The following PRPSAP2 variants were observed in gnomAD, a reference collection of about 807,000 sequenced individuals.
PRPSAP2 encodes phosphoribosyl pyrophosphate synthetase associated protein 2.
PRPSAP2 carries 24 observed loss-of-function variants against 40.6 expected under a neutral mutation model. The observed-to-expected ratio is 0.59, with a 90% CI of 0.43 to 0.83. The LOEUF is 0.83. PRPSAP2 is among the 40% of genes least tolerant of loss of function. The probability of loss-of-function intolerance (pLI) is 0.00; values close to 1 mark genes in which losing one functional copy is unlikely to be tolerated. For missense variants in PRPSAP2, 292 were observed against 465.6 expected (o/e 0.63, Z 3.43); for synonymous variants, 149 against 164.7 (o/e 0.90, Z 0.73).
At chr17:18,904,069 C>T (rs887384438) in intron 8 of PRPSAP2, among the ~76,000 whole-genome samples, 3 of 152,214 alleles carry the variant, frequency 2.0e-5, no homozygotes, top group Non-Finnish European at 4.4e-5. Flanking sequence ...CAGTCCAAGA[C>T]TTGGGCTTCC....
At position 18,917,598 on chromosome 17, in the gene PRPSAP2, T is replaced by A. The variant is rs1325273073; in HGVS notation, c.734-6316T>A. On this transcript the variant is annotated intron_variant, in intron 9 of 11. Coordinates refer to ENST00000268835, the MANE Select transcript of PRPSAP2 (RefSeq NM_002767.4). Reference sequence around the variant, plus strand: ...TTATTATTATTATTTTTTTTTTTTTTTTTTTTTTTTTTTTTTTTTTTAGTA... The same window carrying A: ...TTATTATTATTATTTTTTTTTTTTTATTTTTTTTTTTTTTTTTTTTTAGTA... 477 of 114,688 alleles carry A rather than the reference T, an allele frequency of 4.2e-3. 6 individuals are homozygous for A. The highest frequency in any genetic ancestry group is 0.013 in the African/African-American group (399 of 30,322). The allele number at this position is 114,688 out of a possible 1,614,324, so 7.1% of individuals were successfully genotyped here. A position where few individuals can be genotyped will look rare whatever the true frequency, so the allele number is the denominator to read the frequency against.
chr17:18,906,460 C>G (rs571872893), intron 8 of PRPSAP2, among the ~76,000 whole-genome samples: 2 of 152,146 alleles, frequency 1.3e-5, no homozygotes, highest in Non-Finnish European at 1.5e-5. Context: ...GCGATCCACC[C>G]GCCTCAGCCT....
At chr17:18,873,990 A>T (rs1467231366) in intron 5 of PRPSAP2, among the ~76,000 whole-genome samples, 1 of 151,658 alleles carries the variant, frequency 6.6e-6, no homozygotes, top group East Asian at 1.9e-4. Flanking sequence ...CTACAACTTC[A>T]AACTCCTGGG....
rs1275727535 is a variant in PRPSAP2, at chr17:18,877,807, T to C, written c.349T>C (p.Cys117Arg). Reference sequence around the variant, plus strand: ...ACCCTACTTTCCTTACAGCAAGCAGTGCAAGATGAGAAAAAGAGGCTCCAT... The same window carrying C: ...ACCCTACTTTCCTTACAGCAAGCAGCGCAAGATGAGAAAAAGAGGCTCCAT... ...VIPYFPYSKQ[C>R]KMRKRGSIVS... is the part of the protein sequence containing the mutation. The change falls in exon 6 of 12, where the codon TGC becomes CGC. Residue 117 changes from cysteine to arginine, a missense_variant. Around this residue, in one of 2 missense-constraint regions of PRPSAP2, gnomAD observed 241 missense variants for 425.7 expected, o/e 0.57. Transcript: ENST00000268835. 9 of 1,613,742 alleles carry C rather than the reference T, an allele frequency of 5.6e-6. No individual in the cohort carries two copies. Among genetic ancestry groups the C allele is most frequent in the Non-Finnish European group, 7.6e-6 (9 of 1,179,842 alleles).
chr17:18,923,256 ATTTTTT>A (rs34975526), intron 9 of PRPSAP2, among the ~76,000 whole-genome samples: 14 of 105,398 alleles, frequency 1.3e-4, no homozygotes, highest in African/African-American at 4.1e-4. Context: ...CACTTGGCTA[ATTTTTT>A]TTTTTTTTTT....
intron 10 of PRPSAP2, among the ~76,000 whole-genome samples, chr17:18,925,621 T>A (rs2041926296): frequency 6.6e-6 from 1 of 152,216 alleles, no homozygotes; most frequent in Admixed American, 6.5e-5. Flanking sequence ...CGTGCCTATT[T>A]TCTGGTGCAA....
Position 18,872,523 on chromosome 17 carries a change from G to C in PRPSAP2, c.173-60G>C, listed in dbSNP as rs1201877324. 6.9e-6 allele frequency: 9 copies of C among 1,312,136 alleles called. No homozygotes were observed. In the Admixed American group the frequency reaches 1.7e-4, roughly 25 times the overall value. The allele number at this position is 1,312,136 out of a possible 1,614,324, so 81.3% of individuals were successfully genotyped here. A position where few individuals can be genotyped will look rare whatever the true frequency, so the allele number is the denominator to read the frequency against. ...TAGGGAATAATACAGATTTTTTTGT[G>C]TATTTTGAAAAATTTGAACTATATG... On this transcript the variant is annotated intron_variant, in intron 4 of 11. Coordinates refer to ENST00000268835, the MANE Select transcript of PRPSAP2 (RefSeq NM_002767.4).
intron 8 of PRPSAP2, among the ~76,000 whole-genome samples, chr17:18,900,822 G>A (rs58671374): frequency 0.1 from 15,611 of 152,106 alleles, 1,292 homozygotes; most frequent in East Asian, 0.45. Flanking sequence ...GGTGGTGGTG[G>A]AATTCCTGAC....
intron 6 of PRPSAP2, among the ~76,000 whole-genome samples, chr17:18,880,570 A>G (rs1365342665): frequency 1.3e-5 from 2 of 151,844 alleles, no homozygotes; most frequent in Non-Finnish European, 2.9e-5. Context: ...ACCATACCTG[A>G]CTAGTTTTTT....
At chr17:18,910,681 G>T (rs1182176022) in intron 8 of PRPSAP2, among the ~76,000 whole-genome samples, 5 of 152,176 alleles carry the variant, frequency 3.3e-5, no homozygotes, top group Non-Finnish European at 7.3e-5. Context: ...TCATATCTCA[G>T]TTTTACCTCC....
At chr17:18,883,793 T>C (rs1394687615) in intron 7 of PRPSAP2, among the ~76,000 whole-genome samples, 3 of 152,210 alleles carry the variant, frequency 2.0e-5, no homozygotes, top group Non-Finnish European at 4.4e-5. Flanking sequence ...TACAGTACTG[T>C]ATTTAAAAGA....
chr17:18,919,846 G>C (rs893193348), intron 9 of PRPSAP2, among the ~76,000 whole-genome samples: 4 of 152,164 alleles, frequency 2.6e-5, no homozygotes, highest in Non-Finnish European at 5.9e-5. Flanking sequence ...TTTTTCCACT[G>C]TGTTCTTGGG....
At chr17:18,867,475 C>A in intron 4 of PRPSAP2, 141 bp downstream of exon 4, 1 of 992,158 alleles carries the variant, frequency 1.0e-6, no homozygotes, top group Non-Finnish European at 1.5e-6. Context: ...CAAGGTAGAA[C>A]AGAGTGGTTT....
rs1452805806 is a variant in PRPSAP2, at chr17:18,901,612, G to A, written c.585-9491G>A. Among the ~76,000 whole-genome samples, 4 of 152,092 alleles carry A rather than the reference G, an allele frequency of 2.6e-5. No homozygotes were observed. In the South Asian group the frequency reaches 8.3e-4, roughly 32 times the overall value. ...AGGATGGTCTCTATCTCCTGACCTC[G>A]TGATCTGCCTGCCTCAGCCTCCCAG... On this transcript the variant is annotated intron_variant, in intron 8 of 11. Transcript: ENST00000268835.
intron 1 of PRPSAP2, among the ~76,000 whole-genome samples, chr17:18,865,154 G>A (rs530132188): frequency 6.6e-6 from 1 of 152,286 alleles, no homozygotes; most frequent in East Asian, 1.9e-4. Context: ...CAGCACTGAT[G>A]ATTTATAAGC....
At chr17:18,895,877 T>G (rs2151932381) in intron 8 of PRPSAP2, among the ~76,000 whole-genome samples, 1 of 152,324 alleles carries the variant, frequency 6.6e-6, no homozygotes, top group South Asian at 2.1e-4. Context: ...TCCACCCATC[T>G]TGGCCTCCCA....
At chr17:18,885,826 A>G (rs2039103077) in intron 7 of PRPSAP2, among the ~76,000 whole-genome samples, 1 of 152,100 alleles carries the variant, frequency 6.6e-6, no homozygotes, top group African/African-American at 2.4e-5. Context: ...ACCTCAGGTG[A>G]TCTGCCCACC....
At chr17:18,873,578 C>T (rs1306540809) in intron 5 of PRPSAP2, among the ~76,000 whole-genome samples, 1 of 152,150 alleles carries the variant, frequency 6.6e-6, no homozygotes, top group Non-Finnish European at 1.5e-5. Context: ...TTTTGTAAAA[C>T]TTGCAAGGAA....
chr17:18,911,114 T>C lies in PRPSAP2; in HGVS notation c.596T>C (p.Phe199Ser). Reference protein sequence around the residue: ...SPASAKRAQSFAERLRLGIAV... With the variant: ...SPASAKRAQSSAERLRLGIAV... ...GTGTTTTCCCTCAGGGCACAGTCTTTTGCTGAGCGCCTGCGCCTGGGAATT... is the reference window on the plus strand; with the variant it reads ...GTGTTTTCCCTCAGGGCACAGTCTTCTGCTGAGCGCCTGCGCCTGGGAATT... The change falls in exon 9 of 12, where the codon TTT becomes TCT. Residue 199 changes from phenylalanine (F) to serine (S), a missense_variant. By Grantham distance (155) the Phe-to-Ser change is radical. Coordinates refer to ENST00000268835, the MANE Select transcript of PRPSAP2 (RefSeq NM_002767.4). This position sits in a 1 kb window ranked among gnomAD's most constrained non-coding sequence, Gnocchi z 4.5. 6.2e-7 allele frequency: 1 copy of C among 1,611,000 alleles called. No homozygotes were observed. Among genetic ancestry groups the C allele is most frequent in the East Asian group, 2.2e-5 (1 of 44,872 alleles).
Sources: gnomAD v4.1 joint callset for allele counts (sites outside exome capture counted in the v4.1 genomes callset) on GRCh38, gnomAD v4.1.1 for gene constraint, gnomAD v4.1.1 regional missense constraint, Gnocchi (gnomAD v3.1) non-coding constraint, MANE v1.5 for transcripts, NCBI Gene and HGNC (gene_info 2026-07-23, HGNC 2026-07-21) for gene names.